ADAMTSL1: variants seen among roughly 807,000 people sequenced by gnomAD.
ADAMTSL1 encodes the protein ADAMTS like 1.
A neutral mutation model predicts 201.8 loss-of-function variants in ADAMTSL1; 126 were observed. That is an observed-to-expected ratio of 0.62 (90% CI 0.54 to 0.72). ADAMTSL1 has a LOEUF of 0.72. Ranked by LOEUF, ADAMTSL1 falls within the 30% of genes least tolerant of loss-of-function variation. ADAMTSL1 has a pLI of 0.00. For synonymous variants in ADAMTSL1, 1,121 were observed against 903.4 expected (o/e 1.24, Z -4.32); for missense variants, 2,679 against 2,277.8 (o/e 1.18, Z -3.59).
chr9:18,700,695 A>AT lies in ADAMTSL1; in HGVS notation c.1575-6046dup, dbSNP rs151190306. On this transcript the variant is annotated intron_variant, in intron 13 of 28. Transcript: ENST00000380548. Reference sequence around the variant, plus strand: ...CATATTTTACCAGTAAAGTATGTAAATTTTTTGGTCCTAAATAACATATTT... The same window carrying AT: ...CATATTTTACCAGTAAAGTATGTAAATTTTTTTGGTCCTAAATAACATATTT... 4.9e-3 allele frequency among the ~76,000 whole-genome samples: 749 copies of AT among 152,274 alleles called. 7 individuals carry two copies. The highest frequency in any genetic ancestry group is 0.016 in the African/African-American group (653 of 41,556).
intron 2 of ADAMTSL1, among the ~76,000 whole-genome samples, chr9:18,188,194 A>G (rs1348290550): frequency 1.3e-5 from 2 of 152,132 alleles, no homozygotes; most frequent in Non-Finnish European, 2.9e-5. Context: ...TTTTCCCCCC[A>G]ACACATACAT....
At chr9:18,224,868 C>A (rs773197598) in intron 2 of ADAMTSL1, among the ~76,000 whole-genome samples, 3 of 152,082 alleles carry the variant, frequency 2.0e-5, no homozygotes, top group Non-Finnish European at 4.4e-5. Flanking sequence ...GTTTACACAA[C>A]CTTCTGTCCT....
rs547353683 is a variant in ADAMTSL1, at chr9:18,289,278, C to A, written c.207+125297C>A. Among the ~76,000 whole-genome samples the A allele has an allele frequency of 3.9e-5, 6 of 152,202 alleles. No homozygotes were observed. In the South Asian group the frequency reaches 1.2e-3, roughly 32 times the overall value. ...CTAAAGTCCCAGTTTCTGCACTTGG[C>A]AAGTTGGATACCCAGGAGAACTGAT... On this transcript the variant is annotated intron_variant, in intron 2 of 29. Coordinates refer to the ADAMTSL1 transcript ENST00000680146.
intron 1 of ADAMTSL1, among the ~76,000 whole-genome samples, chr9:18,125,165 G>A (rs1435196004): frequency 2.0e-5 from 3 of 152,158 alleles, no homozygotes; most frequent in Admixed American, 1.3e-4. Context: ...GGCTGGGGAG[G>A]CCTCACAATC....
In ADAMTSL1 at chr9:17,977,137, T is replaced by C. The variant is rs192049719; in HGVS notation, c.87+70215T>C. On this transcript the variant is annotated intron_variant, in intron 1 of 29. Coordinates refer to the ADAMTSL1 transcript ENST00000680146. ...GGGGTGTATCACATTTATTGGTTTG[T>C]GTATGTTAAAATATCCTTGTATCCC... 2.4e-3 allele frequency among the ~76,000 whole-genome samples: 360 copies of C among 152,270 alleles called. 6 individuals carry two copies. Among genetic ancestry groups the C allele is most frequent in the Admixed American group, 0.021 (325 of 15,270 alleles).
intron 28 of ADAMTSL1, 76 bp from the exon 29 acceptor site, chr9:18,908,366 A>T: frequency 1.5e-6 from 2 of 1,295,774 alleles, no homozygotes; most frequent in Non-Finnish European, 2.2e-6. Context: ...GCTGCACCTC[A>T]CACAGGCTGC....
chr9:18,881,181 A>AT (rs1273790764), intron 23 of ADAMTSL1, among the ~76,000 whole-genome samples: 1 of 152,084 alleles, frequency 6.6e-6, no homozygotes, highest in Non-Finnish European at 1.5e-5. Context: ...CTTCTTATCA[A>AT]TTTTTTTGTG....
At chr9:17,965,205 A>G (rs912759864) in intron 1 of ADAMTSL1, among the ~76,000 whole-genome samples, 2 of 152,226 alleles carry the variant, frequency 1.3e-5, no homozygotes, top group Non-Finnish European at 2.9e-5. Flanking sequence ...ATATTTCAAT[A>G]GAAGAGTTTC....
chr9:18,678,104 T>A (rs1830227434), intron 10 of ADAMTSL1, among the ~76,000 whole-genome samples: 1 of 152,112 alleles, frequency 6.6e-6, no homozygotes, highest in African/African-American at 2.4e-5. Context: ...GGACATAATA[T>A]GAGAATGTAG....
intron 1 of ADAMTSL1, among the ~76,000 whole-genome samples, chr9:17,938,990 C>CCTTATGTT (rs1827124573): frequency 6.6e-6 from 1 of 152,106 alleles, no homozygotes; most frequent in East Asian, 1.9e-4. Flanking sequence ...AAATATCCCT[C>CCTTATGTT]CTTATGTTTA....
intron 1 of ADAMTSL1, among the ~76,000 whole-genome samples, chr9:18,078,179 G>A (rs1045940336): frequency 7.2e-5 from 11 of 152,170 alleles, no homozygotes; most frequent in African/African-American, 2.7e-4. Context: ...AGTTTAATCA[G>A]TACTTTAACA....
chr9:18,329,641 A>G (rs538038002), intron 2 of ADAMTSL1, among the ~76,000 whole-genome samples: 1 of 152,334 alleles, frequency 6.6e-6, no homozygotes, highest in East Asian at 1.9e-4. Flanking sequence ...TATCTTTATC[A>G]GCCACACTAA....
chr9:18,164,547 G>A (rs10810914), intron 2 of ADAMTSL1, among the ~76,000 whole-genome samples: 108,716 of 151,174 alleles, frequency 0.72, 39,979 homozygotes, highest in Non-Finnish European at 0.81. Flanking sequence ...CTCTGCTTGC[G>A]AATCAAACTG....
At chr9:17,997,499 C>T (rs1819431347) in intron 1 of ADAMTSL1, among the ~76,000 whole-genome samples, 2 of 152,076 alleles carry the variant, frequency 1.3e-5, no homozygotes, top group Admixed American at 6.6e-5. Flanking sequence ...CTTATTTACA[C>T]ATATGTTGGT....
intron 1 of ADAMTSL1, among the ~76,000 whole-genome samples, chr9:17,966,135 G>C (rs900106808): frequency 1.2e-4 from 18 of 152,230 alleles, no homozygotes; most frequent in African/African-American, 4.1e-4. Flanking sequence ...GATAGATCCA[G>C]ATTAAGAGAG....
intron 2 of ADAMTSL1, among the ~76,000 whole-genome samples, chr9:18,365,858 G>A (rs2133101348): frequency 6.6e-6 from 1 of 152,308 alleles, no homozygotes; most frequent in Non-Finnish European, 1.5e-5. Context: ...ATCAGCAGTG[G>A]CATCAGATTC....
chr9:18,025,263 G>A (rs1193569628), intron 1 of ADAMTSL1, among the ~76,000 whole-genome samples: 5 of 151,658 alleles, frequency 3.3e-5, no homozygotes, highest in Non-Finnish European at 5.9e-5. Flanking sequence ...TTTTAATTAG[G>A]TGCCACTTGT....
intron 2 of ADAMTSL1, among the ~76,000 whole-genome samples, chr9:18,332,120 A>G (rs1835053274): frequency 6.6e-6 from 1 of 152,110 alleles, no homozygotes; most frequent in Admixed American, 6.6e-5. Flanking sequence ...GCAAGGAACA[A>G]TTCTTCTAGC....
intron 15 of ADAMTSL1, among the ~76,000 whole-genome samples, chr9:18,728,243 A>C (rs1323552179): frequency 6.6e-6 from 1 of 152,196 alleles, no homozygotes; most frequent in Non-Finnish European, 1.5e-5. Flanking sequence ...GATATGACTC[A>C]TTCTAAAGAG....
Sources: gnomAD v4.1 joint callset for allele counts (sites outside exome capture counted in the v4.1 genomes callset) on GRCh38, gnomAD v4.1.1 for gene constraint, MANE v1.5 for transcripts, NCBI Gene and HGNC (gene_info 2026-07-23, HGNC 2026-07-21) for gene names.